Variants in NIM1K observed in about 807,000 individuals in gnomAD.
The protein encoded by NIM1K is NIM1 serine/threonine protein kinase.
NIM1K carries 35 observed loss-of-function variants against 37.1 expected under a neutral mutation model. That is an observed-to-expected ratio of 0.94 (90% CI 0.72 to 1.25). The LOEUF (loss-of-function observed/expected upper bound fraction) is 1.25. Among genes scored for constraint, NIM1K ranks in the 50% most tolerant of loss-of-function variants. NIM1K has a pLI of 0.00. For missense variants in NIM1K, 564 were observed against 548.0 expected, an observed-to-expected ratio of 1.03 and a Z score of -0.29; for synonymous variants, 234 against 206.6, an observed-to-expected ratio of 1.13 and a Z score of -1.14.
intron 1 of NIM1K, among the ~76,000 whole-genome samples, chr5:43,211,384 A>G (rs1449935998): frequency 6.6e-6 from 1 of 152,072 alleles, no homozygotes; most frequent in Non-Finnish European, 1.5e-5. Flanking sequence ...GGAAGAAAAA[A>G]CAGTTGTTTT....
intron 1 of NIM1K, among the ~76,000 whole-genome samples, chr5:43,208,671 G>C (rs1752155075): frequency 6.6e-6 from 1 of 152,152 alleles, no homozygotes; most frequent in Non-Finnish European, 1.5e-5. Flanking sequence ...TGGGTATGTA[G>C]AGCCACATGG....
chr5:43,250,313 A>G (rs1484842641), intron 2 of NIM1K, among the ~76,000 whole-genome samples: 1 of 152,198 alleles, frequency 6.6e-6, no homozygotes, highest in Non-Finnish European at 1.5e-5. Flanking sequence ...AAGAGGACAT[A>G]TTGTTTCACA....
At position 43,245,847 on chromosome 5, in the gene NIM1K, T is replaced by C; in HGVS notation, c.72T>C (p.Ser24=). ...ATGCCCGGTGGGATCGGCGCGACAG[T>C]GTAGAAAGTGGCTGTCAGACCGAGA... ...PHYARWDRRD[S]VESGCQTESS... Residue 24 remains serine, a synonymous_variant, in exon 2 of 4, where the codon AGT becomes AGC. Coordinates refer to ENST00000326035, the MANE Select transcript of NIM1K (RefSeq NM_153361.4). 7 of 1,613,530 alleles carry C rather than the reference T, an allele frequency of 4.3e-6. No homozygotes were observed. Among genetic ancestry groups the C allele is most frequent in the Non-Finnish European group, 5.9e-6 (7 of 1,179,860 alleles).
In NIM1K at chr5:43,205,926, A is replaced by G. The variant is rs548692234; in HGVS notation, c.-695+13515A>G. On this transcript the variant is annotated intron_variant, in intron 1 of 3. Coordinates refer to ENST00000326035, the MANE Select transcript of NIM1K (RefSeq NM_153361.4). The stretch of plus-strand genomic sequence containing the variant: ...ACGGGGTTTTACTGTGTTAGCCAGG[A>G]TGGTCTCGATCTTCTGACCTTGTGA... 2.6e-5 allele frequency among the ~76,000 whole-genome samples: 4 copies of G among 152,054 alleles called. No individual in the cohort carries two copies. In the East Asian group the frequency reaches 7.7e-4, roughly 29 times the overall value.
chr5:43,268,234 G>T (rs1021348758), intron 2 of NIM1K, among the ~76,000 whole-genome samples: 6 of 152,184 alleles, frequency 3.9e-5, no homozygotes, highest in African/African-American at 1.4e-4. Context: ...TCTGCCCACT[G>T]CACAAGCAAA....
At chr5:43,236,095 C>G (rs1752617558) in intron 1 of NIM1K, among the ~76,000 whole-genome samples, 3 of 151,564 alleles carry the variant, frequency 2.0e-5, no homozygotes. Context: ...GACAACATGG[C>G]AAAACCCTGT....
At position 43,280,620 on chromosome 5, in the gene NIM1K, A is replaced by C; in HGVS notation, c.1202A>C (p.Glu401Ala). 6.2e-7 allele frequency: 1 copy of C among 1,614,152 alleles called. No individual in the cohort carries two copies. The highest frequency in any genetic ancestry group is 8.5e-7 in the Non-Finnish European group (1 of 1,180,012). The change falls in exon 4 of 4, where the codon GAA (glutamate) becomes GCA (alanine). Residue 401 changes from glutamate to alanine, a missense_variant. By Grantham distance (107) the Glu-to-Ala change is moderately radical. Coordinates refer to ENST00000326035, the MANE Select transcript of NIM1K (RefSeq NM_153361.4). ...LHRVQRKKAL[E>A]SVPVMMLPDP... ...AGAGTCCAAAGGAAGAAGGCTTTGGAAAGTGTCCCAGTCATGATGCTACCA... is the reference window on the plus strand; with the variant it reads ...AGAGTCCAAAGGAAGAAGGCTTTGGCAAGTGTCCCAGTCATGATGCTACCA...
At chr5:43,274,069 T>C (rs2111562353) in intron 2 of NIM1K, among the ~76,000 whole-genome samples, 1 of 152,266 alleles carries the variant, frequency 6.6e-6, no homozygotes. Flanking sequence ...TGATCATACA[T>C]TTATATTATG....
chr5:43,224,746 G>A (rs975850698), intron 1 of NIM1K, among the ~76,000 whole-genome samples: 2 of 141,802 alleles, frequency 1.4e-5, no homozygotes, highest in Non-Finnish European at 3.0e-5. Context: ...ACCCAGGCTT[G>A]GGGGCAGTGG....
At chr5:43,243,816 A>T (rs1579976133) in intron 1 of NIM1K, among the ~76,000 whole-genome samples, 1 of 152,276 alleles carries the variant, frequency 6.6e-6, no homozygotes, top group African/African-American at 2.4e-5. Flanking sequence ...AGCTGAGACT[A>T]CAGGTGCACA....
At chr5:43,272,589 G>A (rs1014342513) in intron 2 of NIM1K, among the ~76,000 whole-genome samples, 4 of 152,090 alleles carry the variant, frequency 2.6e-5, no homozygotes, top group African/African-American at 9.7e-5. Context: ...GCTGACTCAG[G>A]CAACTTTTGT....
chr5:43,277,123 G>A lies in NIM1K; in HGVS notation c.359G>A (p.Arg120Gln), dbSNP rs759295961. ...LDQKTQRLLSREISSMEKLHH... is the reference protein window; with the variant it reads ...LDQKTQRLLSQEISSMEKLHH... The stretch of plus-strand genomic sequence containing the variant: ...CAGAAAACCCAGAGGCTACTATCCC[G>A]AGAAATCTCCAGCATGGAAAAGCTG... The change falls in exon 3 of 4, where the codon CGA (arginine) becomes CAA (glutamine). Residue 120 changes from arginine (R) to glutamine (Q), a missense_variant. Coordinates refer to ENST00000326035, the MANE Select transcript of NIM1K (RefSeq NM_153361.4). 18 of 1,614,078 alleles carry A rather than the reference G, an allele frequency of 1.1e-5. No homozygotes were observed. Among genetic ancestry groups the A allele is most frequent in the South Asian group, 2.2e-5 (2 of 91,062 alleles).
intron 1 of NIM1K, among the ~76,000 whole-genome samples, chr5:43,242,149 A>G (rs1370295386): frequency 6.6e-6 from 1 of 152,004 alleles, no homozygotes; most frequent in Non-Finnish European, 1.5e-5. Flanking sequence ...TGTAGGTGTT[A>G]GGGTACGTAA....
chr5:43,209,085 C>T (rs980032265), intron 1 of NIM1K, among the ~76,000 whole-genome samples: 21 of 152,328 alleles, frequency 1.4e-4, no homozygotes, highest in African/African-American at 5.1e-4. Flanking sequence ...AAGCGACTAA[C>T]ACATCACACC....
chr5:43,233,312 T>TAAAA (rs548135228), intron 1 of NIM1K: 304 of 302,954 alleles, frequency 1.0e-3, no homozygotes, highest in East Asian at 2.9e-3. Flanking sequence ...GAGTGACACT[T>TAAAA]AAAAAAAAAA....
At chr5:43,201,084 C>T (rs909252219) in intron 1 of NIM1K, among the ~76,000 whole-genome samples, 5 of 149,574 alleles carry the variant, frequency 3.3e-5, no homozygotes, top group African/African-American at 1.2e-4. Flanking sequence ...AAGATGGCGC[C>T]GCTGCACTCC....
At chr5:43,260,947 T>G (rs573680305) in intron 2 of NIM1K, among the ~76,000 whole-genome samples, 2 of 152,334 alleles carry the variant, frequency 1.3e-5, no homozygotes, top group African/African-American at 4.8e-5. Context: ...AACTCATCCT[T>G]TTTTATGACT....
chr5:43,276,260 G>A (rs6451683), intron 2 of NIM1K, among the ~76,000 whole-genome samples: 49,335 of 152,112 alleles, frequency 0.32, 8,474 homozygotes, highest in Middle Eastern at 0.5. Context: ...TACAGGAAGC[G>A]TGGTGGCATC....
At chr5:43,266,001 G>T (rs188052930) in intron 2 of NIM1K, among the ~76,000 whole-genome samples, 2 of 152,312 alleles carry the variant, frequency 1.3e-5, no homozygotes, top group African/African-American at 2.4e-5. Context: ...ATCTCAGAGG[G>T]TCACCCAGCT....
Sources: gnomAD v4.1 joint callset for allele counts (sites outside exome capture counted in the v4.1 genomes callset) on GRCh38, gnomAD v4.1.1 for gene constraint, MANE v1.5 for transcripts, NCBI Gene and HGNC (gene_info 2026-07-23, HGNC 2026-07-21) for gene names.